The following FRMD6 variants were observed in gnomAD, a reference collection of about 807,000 sequenced individuals.
FRMD6 encodes the protein FERM domain containing 6.
FRMD6 carries 37 observed loss-of-function variants against 73.2 expected under a neutral mutation model. The observed-to-expected ratio is 0.51, with a 90% CI of 0.39 to 0.66. The LOEUF (loss-of-function observed/expected upper bound fraction) is 0.66, where lower values mean the gene tolerates loss of function less well. Among genes scored for constraint, FRMD6 ranks in the 30% least tolerant of loss-of-function variants. The pLI is 0.00. For synonymous variants in FRMD6, 273 were observed against 282.2 expected, an observed-to-expected ratio of 0.97 and a Z score of 0.33; for missense variants, 714 against 780.5, an observed-to-expected ratio of 0.91 and a Z score of 1.02.
the FRMD6 span, among the ~76,000 whole-genome samples, chr14:51,437,449 A>T: frequency 6.6e-6 from 1 of 151,750 alleles, no homozygotes; most frequent in African/African-American, 2.4e-5. Context: ...ACTACAGGCA[A>T]GCACCACCAC....
rs146038941 is a variant in FRMD6 at position 51,570,160 on chromosome 14, C to T, written c.-209-188C>T. Reference sequence around the variant, plus strand: ...GGAGAATTTTCTTTTTAACTTGTCACATTGTTAGTCCAATTGCATTTTCTT... The same window carrying T: ...GGAGAATTTTCTTTTTAACTTGTCATATTGTTAGTCCAATTGCATTTTCTT... On this transcript the variant is annotated intron_variant, in intron 1 of 14. Transcript: ENST00000356218. 7.7e-3 allele frequency among the ~76,000 whole-genome samples: 1,177 copies of T among 152,240 alleles called. 52 individuals carry two copies. The highest frequency in any genetic ancestry group is 0.072 in the Admixed American group (1,103 of 15,290).
upstream of FRMD6, chr14:51,489,130 T>C (rs989446668): frequency 6.6e-6 from 1 of 152,220 alleles, no homozygotes; most frequent in Admixed American, 6.5e-5. Context: ...GAAAGAGGGC[T>C]TTCCTCCTTG....
chr14:51,701,053 C>A lies in FRMD6; in HGVS notation c.191-3C>A. ...ATGTCGTCTCCTTTTTTTTAATGTA[C>A]AGATAATGAACATGTGTATATGGAG... is the stretch of plus-strand genomic sequence containing the variant. On this transcript the variant is annotated splice_polypyrimidine_tract_variant and splice_region_variant and intron_variant, in intron 3 of 13. Transcript: ENST00000344768. The A allele has an allele frequency of 1.4e-6, 2 of 1,401,708 alleles. No individual in the cohort carries two copies. Among genetic ancestry groups the A allele is most frequent in the Admixed American group, 2.3e-5 (1 of 43,714 alleles). The allele number at this position is 1,401,708 out of a possible 1,614,324, so 86.8% of individuals were successfully genotyped here. A position where few individuals can be genotyped will look rare whatever the true frequency, so the allele number is the denominator to read the frequency against.
the FRMD6 span, among the ~76,000 whole-genome samples, chr14:51,431,589 G>A: frequency 1.3e-5 from 2 of 152,222 alleles, no homozygotes; most frequent in African/African-American, 4.8e-5. Flanking sequence ...TGAGTTTATA[G>A]TTCGTGGTCC....
chr14:51,640,340 A>C (rs540551814), intron 2 of FRMD6, among the ~76,000 whole-genome samples: 2 of 152,312 alleles, frequency 1.3e-5, no homozygotes, highest in Admixed American at 1.3e-4. Context: ...TGGCCTCTTC[A>C]TTTAAAACTT....
chr14:51,568,462 T>A (rs755039589), intron 1 of FRMD6, among the ~76,000 whole-genome samples: 4 of 152,218 alleles, frequency 2.6e-5, no homozygotes, highest in Non-Finnish European at 4.4e-5. Flanking sequence ...CCACTATCTT[T>A]GTCCCTATGT....
chr14:51,500,754 A>C (rs923356876), intron 1 of FRMD6, among the ~76,000 whole-genome samples: 1 of 152,002 alleles, frequency 6.6e-6, no homozygotes, highest in African/African-American at 2.4e-5. Context: ...ACATATATAC[A>C]TATGTGTGTG....
intron 1 of FRMD6, among the ~76,000 whole-genome samples, chr14:51,494,066 T>C (rs1228458488): frequency 6.6e-6 from 1 of 152,168 alleles, no homozygotes; most frequent in Non-Finnish European, 1.5e-5. Flanking sequence ...TTCATAAGGA[T>C]TTCAACCTAT....
chr14:51,581,195 A>G (rs1369773860), intron 2 of FRMD6, among the ~76,000 whole-genome samples: 1 of 152,130 alleles, frequency 6.6e-6, no homozygotes, highest in Non-Finnish European at 1.5e-5. Context: ...GCATCCGCCC[A>G]CACTTCCCAC....
At chr14:51,528,265 C>T (rs115335321) in intron 1 of FRMD6, among the ~76,000 whole-genome samples, 6,920 of 152,240 alleles carry the variant, frequency 0.045, 483 homozygotes, top group African/African-American at 0.15. Context: ...AGGGGTAGAG[C>T]AACTTGTGTT....
At chr14:51,583,767 G>T (rs143138124) in intron 2 of FRMD6, among the ~76,000 whole-genome samples, 1 of 152,182 alleles carries the variant, frequency 6.6e-6, no homozygotes. Context: ...GGTGCAGCCC[G>T]AAGTCACTCA....
At chr14:51,508,232 C>A (rs771948541) in intron 1 of FRMD6, among the ~76,000 whole-genome samples, 2 of 152,210 alleles carry the variant, frequency 1.3e-5, no homozygotes, top group Admixed American at 1.3e-4. Context: ...GTCCTTCCCC[C>A]ACCCACGGAG....
chr14:51,711,494 A>G (rs1230581030), intron 7 of FRMD6, 37 bp from the exon 8 acceptor site: 1 of 1,400,206 alleles, frequency 7.1e-7, no homozygotes, highest in Admixed American at 1.8e-5. Context: ...AAAATATATA[A>G]AAACATTTAA....
chr14:51,698,349 A>G (rs1896080760), intron 3 of FRMD6, 117 bp downstream of exon 3: 1 of 541,984 alleles, frequency 1.8e-6, no homozygotes, highest in Non-Finnish European at 3.2e-6. Context: ...CAAAATACCC[A>G]TGGACTGATT....
the FRMD6 span, among the ~76,000 whole-genome samples, chr14:51,470,711 A>C: frequency 8.1e-4 from 124 of 152,222 alleles, no homozygotes; most frequent in African/African-American, 2.1e-3. Context: ...TTGTATCTTC[A>C]TTCAGTTCAA....
intron 1 of FRMD6, among the ~76,000 whole-genome samples, chr14:51,512,455 G>A (rs544032756): frequency 8.5e-5 from 13 of 152,282 alleles, no homozygotes; most frequent in Non-Finnish European, 1.9e-4. Context: ...TTGGATTGCT[G>A]AAATGCTGCT....
At chr14:51,522,016 AT>A (rs1024977851) in intron 1 of FRMD6, among the ~76,000 whole-genome samples, 5 of 152,182 alleles carry the variant, frequency 3.3e-5, no homozygotes, top group Non-Finnish European at 5.9e-5. Context: ...TATAGAATGA[AT>A]TACTTTTAAG....
the FRMD6 span, among the ~76,000 whole-genome samples, chr14:51,451,119 G>T: frequency 2.6e-5 from 4 of 152,338 alleles, no homozygotes; most frequent in East Asian, 7.7e-4. Context: ...GCCAGGAAAA[G>T]GTCACAGCAA....
intron 2 of FRMD6, among the ~76,000 whole-genome samples, chr14:51,610,997 G>C (rs958041700): frequency 3.3e-5 from 5 of 152,210 alleles, no homozygotes; most frequent in African/African-American, 1.2e-4. Context: ...TTGGATGTGG[G>C]TCTTGCAAGC....
Sources: allele counts gnomAD v4.1 joint callset (sites outside exome capture counted in the v4.1 genomes callset), GRCh38; gene constraint gnomAD v4.1.1; transcripts MANE v1.5; gene names NCBI Gene and HGNC (gene_info 2026-07-23, HGNC 2026-07-21).